Variants in SLC16A7 observed in about 807,000 individuals in gnomAD.
SLC16A7 encodes the protein monocarboxylate transporter 2.
SLC16A7 carries 33 observed loss-of-function variants against 34.9 expected under a neutral mutation model. The observed-to-expected ratio is 0.94, with a 90% CI of 0.72 to 1.26. The LOEUF (loss-of-function observed/expected upper bound fraction) is 1.26. Ranked by LOEUF, SLC16A7 falls within the 50% of genes most tolerant of loss-of-function variation. The probability of loss-of-function intolerance (pLI) is 0.00; values close to 1 mark genes in which losing one functional copy is unlikely to be tolerated. For synonymous variants in SLC16A7, 201 were observed against 206.6 expected (o/e 0.97, Z 0.23); for missense variants, 573 against 578.1 (o/e 0.99, Z 0.09).
At chr12:59,662,409 A>G (rs1227532553) in intron 2 of SLC16A7, among the ~76,000 whole-genome samples, 1 of 152,064 alleles carries the variant, frequency 6.6e-6, no homozygotes, top group African/African-American at 2.4e-5. Context: ...GACTATCTGC[A>G]TTTCCTCTCT....
chr12:59,678,595 G>GT (rs1424703847), intron 2 of SLC16A7, among the ~76,000 whole-genome samples: 1 of 152,128 alleles, frequency 6.6e-6, no homozygotes, highest in Admixed American at 6.5e-5. Context: ...TGAGTCCAGG[G>GT]TTTTTATGGG....
intron 3 of SLC16A7, among the ~76,000 whole-genome samples, chr12:59,718,773 T>C (rs1039204829): frequency 2.0e-5 from 3 of 152,078 alleles, no homozygotes; most frequent in Admixed American, 2.0e-4. Flanking sequence ...AAGAAGGAAA[T>C]AAGTATCACA....
chr12:59,606,282 C>T (rs1304519047), intron 1 of SLC16A7, among the ~76,000 whole-genome samples: 1 of 152,078 alleles, frequency 6.6e-6, no homozygotes, highest in African/African-American at 2.4e-5. Context: ...GAAATTTTCA[C>T]TTAGTTATAA....
At position 59,784,669 on chromosome 12, in the gene SLC16A7, C is replaced by T. The variant is rs1320266595; in HGVS notation, c.*4990C>T. On this transcript the variant is annotated 3_prime_UTR_variant, in exon 6 of 6. Transcript: ENST00000547379. ...CTTCTCCATCTAGACTTTTGCAGTC[C>T]TTAGACTATAGTTCTCCTTAGCTCT... 6.6e-6 allele frequency: 1 copy of T among 152,114 alleles called. No individual in the cohort carries two copies. The highest frequency in any genetic ancestry group is 1.5e-5 in the Non-Finnish European group (1 of 68,026). The allele number at this position is 152,114 out of a possible 1,614,324, so 9.4% of individuals were successfully genotyped here.
At chr12:59,754,322 GTTTT>G (rs956212777) in intron 3 of SLC16A7, among the ~76,000 whole-genome samples, 2 of 152,086 alleles carry the variant, frequency 1.3e-5, no homozygotes, top group African/African-American at 4.8e-5. Flanking sequence ...CCAGGAGCCG[GTTTT>G]TTGAAAGGAT....
chr12:59,698,362 TAC>T (rs1321991373), intron 2 of SLC16A7, among the ~76,000 whole-genome samples: 2 of 151,798 alleles, frequency 1.3e-5, no homozygotes, highest in Non-Finnish European at 2.9e-5. Flanking sequence ...CATAAATATA[TAC>T]ACACATTGAA....
At chr12:59,656,194 A>G (rs1004931440) in intron 2 of SLC16A7, among the ~76,000 whole-genome samples, 3 of 151,952 alleles carry the variant, frequency 2.0e-5, no homozygotes, top group African/African-American at 7.2e-5. Context: ...TCATGAACAA[A>G]TCTTGGTATA....
At chr12:59,740,383 T>C (rs1030572423) in intron 3 of SLC16A7, among the ~76,000 whole-genome samples, 5 of 152,218 alleles carry the variant, frequency 3.3e-5, no homozygotes, top group Admixed American at 1.3e-4. Context: ...CTGAGGGCTC[T>C]GTTCTGTTCC....
chr12:59,679,518 G>T (rs1290644704), intron 2 of SLC16A7, among the ~76,000 whole-genome samples: 1 of 152,074 alleles, frequency 6.6e-6, no homozygotes, highest in African/African-American at 2.4e-5. Context: ...AACTCTTCTT[G>T]TTATAATTTC....
At chr12:59,677,143 G>A (rs1870377623) in intron 2 of SLC16A7, among the ~76,000 whole-genome samples, 1 of 152,028 alleles carries the variant, frequency 6.6e-6, no homozygotes, top group South Asian at 2.1e-4. Flanking sequence ...TCTAGGATGA[G>A]ATCTTGGGAG....
chr12:59,735,469 A>G (rs193005272), intron 3 of SLC16A7, among the ~76,000 whole-genome samples: 3 of 152,180 alleles, frequency 2.0e-5, no homozygotes, highest in African/African-American at 7.2e-5. Context: ...CATTGCAGCC[A>G]TTAGTAGTAA....
chr12:59,665,214 G>A (rs182811787), intron 2 of SLC16A7, among the ~76,000 whole-genome samples: 5 of 152,082 alleles, frequency 3.3e-5, no homozygotes, highest in Admixed American at 1.3e-4. Flanking sequence ...TAATCTACCA[G>A]CTGAAAGATG....
intron 3 of SLC16A7, among the ~76,000 whole-genome samples, chr12:59,745,640 G>A (rs143947252): frequency 3.5e-4 from 54 of 152,158 alleles, no homozygotes; most frequent in African/African-American, 1.3e-3. Flanking sequence ...ATAGAACTGT[G>A]GCAATTATGA....
Position 59,628,429 on chromosome 12 carries a change from A to G in SLC16A7, c.-129-26723A>G, listed in dbSNP as rs144326375. Among the ~76,000 whole-genome samples, 334 of 151,926 alleles carry G rather than the reference A, an allele frequency of 2.2e-3. 1 individual carries two copies. Among genetic ancestry groups the G allele is most frequent in the Middle Eastern group, 0.017 (5 of 294 alleles). On this transcript the variant is annotated intron_variant, in intron 1 of 5. Coordinates refer to ENST00000547379, the MANE Select transcript of SLC16A7 (RefSeq NM_001270623.2). ...CTTTATATCTGAAATGATTTATCCA[A>G]TCTTCTTCTCTAAGTTCTTGACTTT...
chr12:59,735,975 A>G, intron 3 of SLC16A7: 2 of 1,115,494 alleles, frequency 1.8e-6, no homozygotes, highest in Non-Finnish European at 2.4e-6. Context: ...TAAAGAGATC[A>G]CCATCTACTT....
rs774021450 is a variant in SLC16A7, at chr12:59,779,517, T to C, written c.1275T>C (p.Asn425=). ...CAAGCGTGTGGCTGCTCATTGGCAA[T>C]GCTATCAACTATAGATTGCTTGCAA... ...VAASVWLLIG[N]AINYRLLAKE... The change falls in exon 6 of 6, where the codon AAT becomes AAC. Residue 425 remains asparagine (N), a synonymous_variant. Coordinates refer to ENST00000547379, the MANE Select transcript of SLC16A7 (RefSeq NM_001270623.2). The C allele has an allele frequency of 1.2e-6, 2 of 1,613,154 alleles. No individual in the cohort carries two copies. The highest frequency in any genetic ancestry group is 3.3e-5 in the Admixed American group (2 of 59,858).
chr12:59,758,410 T>C (rs949067745), intron 3 of SLC16A7, among the ~76,000 whole-genome samples: 3 of 152,144 alleles, frequency 2.0e-5, no homozygotes, highest in African/African-American at 7.2e-5. Flanking sequence ...TACATTTAAA[T>C]GTTAAAACTT....
At position 59,784,024 on chromosome 12, in the gene SLC16A7, T is replaced by C. The variant is rs1592289846; in HGVS notation, c.*4345T>C. On this transcript the variant is annotated 3_prime_UTR_variant, in exon 6 of 6. Coordinates refer to ENST00000547379, the MANE Select transcript of SLC16A7 (RefSeq NM_001270623.2). ...TGCCTGCTTTTCTCCCCAATGCAAATTATCTCAAATAATGATAATTATTAC... is the reference window on the plus strand; with the variant it reads ...TGCCTGCTTTTCTCCCCAATGCAAACTATCTCAAATAATGATAATTATTAC... The C allele has an allele frequency of 6.6e-6, 1 of 152,148 alleles. No homozygotes were observed. Among genetic ancestry groups the C allele is most frequent in the Non-Finnish European group, 1.5e-5 (1 of 68,022 alleles). The allele number at this position is 152,148 out of a possible 1,614,324, so 9.4% of individuals were successfully genotyped here.
chr12:59,699,775 G>A (rs1259910512), intron 2 of SLC16A7, among the ~76,000 whole-genome samples: 1 of 151,692 alleles, frequency 6.6e-6, no homozygotes, highest in Non-Finnish European at 1.5e-5. Context: ...CAGCACTTTT[G>A]CAATCATTTG....
Sources: allele counts gnomAD v4.1 joint callset (sites outside exome capture counted in the v4.1 genomes callset), GRCh38; gene constraint gnomAD v4.1.1; transcripts MANE v1.5; gene names NCBI Gene and HGNC (gene_info 2026-07-23, HGNC 2026-07-21).